The following KIAA1549L variants were observed in gnomAD, a reference collection of about 807,000 sequenced individuals.
The protein encoded by KIAA1549L is KIAA1549 like.
KIAA1549L carries 88 observed loss-of-function variants against 160.7 expected under a neutral mutation model. The observed-to-expected ratio is 0.55, with a 90% CI of 0.46 to 0.65. The LOEUF is 0.65. KIAA1549L is among the 30% of genes least tolerant of loss of function. The pLI is 0.00. For missense variants in KIAA1549L, 2,258 were observed against 2,437.5 expected (o/e 0.93, Z 1.55); for synonymous variants, 950 against 976.7 (o/e 0.97, Z 0.51).
intron 9 of KIAA1549L, among the ~76,000 whole-genome samples, chr11:33,574,441 T>C (rs1437040484): frequency 6.6e-6 from 1 of 152,236 alleles, no homozygotes; most frequent in Non-Finnish European, 1.5e-5. Context: ...CTGGGAGACA[T>C]CACTATCCTG....
chr11:33,577,962 CA>C (rs1474022303), intron 10 of KIAA1549L, among the ~76,000 whole-genome samples: 5 of 151,538 alleles, frequency 3.3e-5, no homozygotes, highest in African/African-American at 1.2e-4. Flanking sequence ...AGTTCCATGA[CA>C]GTTCTATGAT....
chr11:33,645,222 A>C (rs1329994152), intron 16 of KIAA1549L, among the ~76,000 whole-genome samples: 1 of 152,142 alleles, frequency 6.6e-6, no homozygotes. Context: ...TCTGATAAGT[A>C]GCATCAGGCA....
chr11:33,638,437 T>TAA (rs1448265276), intron 16 of KIAA1549L, among the ~76,000 whole-genome samples: 18 of 30,032 alleles, frequency 6.0e-4, no homozygotes, highest in Non-Finnish European at 1.1e-3. Context: ...AAAAAAAAAA[T>TAA]AAATAAATAA....
At chr11:33,555,554 A>G (rs976028861) in intron 6 of KIAA1549L, among the ~76,000 whole-genome samples, 1 of 152,222 alleles carries the variant, frequency 6.6e-6, no homozygotes, top group Non-Finnish European at 1.5e-5. Flanking sequence ...AGGCTATTCA[A>G]TGGGGAAAGG....
At chr11:33,635,903 G>T (rs1233857002) in intron 16 of KIAA1549L, among the ~76,000 whole-genome samples, 2 of 152,140 alleles carry the variant, frequency 1.3e-5, no homozygotes, top group Non-Finnish European at 2.9e-5. Context: ...CTTATCCATG[G>T]TTTCAGCTAC....
chr11:33,434,796 C>T (rs1359589740), intron 1 of KIAA1549L, among the ~76,000 whole-genome samples: 1 of 152,220 alleles, frequency 6.6e-6, no homozygotes, highest in African/African-American at 2.4e-5. Flanking sequence ...GAAGGAAGAT[C>T]TTGACTGGCA....
At chr11:33,406,287 A>T (rs1206309072) in intron 1 of KIAA1549L, among the ~76,000 whole-genome samples, 1 of 152,142 alleles carries the variant, frequency 6.6e-6, no homozygotes, top group Non-Finnish European at 1.5e-5. Flanking sequence ...TCCTGTTAGG[A>T]ACCGAGTGTG....
chr11:33,496,617 A>G (rs909232883), intron 1 of KIAA1549L, among the ~76,000 whole-genome samples: 12 of 152,144 alleles, frequency 7.9e-5, no homozygotes, highest in African/African-American at 2.9e-4. Flanking sequence ...AGACCACTGT[A>G]AGGCTTCCCA....
At chr11:33,505,329 C>G (rs911587884) in intron 1 of KIAA1549L, among the ~76,000 whole-genome samples, 1 of 152,118 alleles carries the variant, frequency 6.6e-6, no homozygotes, top group Non-Finnish European at 1.5e-5. Flanking sequence ...CCAGTGAATG[C>G]CTCTTATCTG....
In KIAA1549L at chr11:33,617,789, GTGGATGGATGGA is replaced by G. The variant is rs200551250; in HGVS notation, c.5280-714_5280-703del. On this transcript the variant is annotated intron_variant, in intron 15 of 20. Coordinates refer to ENST00000658780, the MANE Select transcript of KIAA1549L (RefSeq NM_012194.3). The stretch of plus-strand genomic sequence containing the variant: ...CATTCGGTAAATGATGGAAGCCTCG[GTGGATGGATGGA>G]TGGATGGATGGATGGATGGATGGAT... 1.4e-3 allele frequency among the ~76,000 whole-genome samples: 216 copies of G among 149,036 alleles called. 2 individuals are homozygous for G. Among genetic ancestry groups the G allele is most frequent in the East Asian group, 4.0e-3 (20 of 5,000 alleles).
chr11:33,604,343 A>T (rs1323643282), intron 13 of KIAA1549L, among the ~76,000 whole-genome samples: 1 of 152,226 alleles, frequency 6.6e-6, no homozygotes, highest in Non-Finnish European at 1.5e-5. Context: ...GAATGCTTAT[A>T]CACTGCTGGT....
chr11:33,465,705 C>T (rs10836065), intron 1 of KIAA1549L, among the ~76,000 whole-genome samples: 42,390 of 152,026 alleles, frequency 0.28, 6,405 homozygotes, highest in Middle Eastern at 0.42. Context: ...CTACAACCAT[C>T]GGATCTTCGA....
At chr11:33,415,936 C>T (rs987802738) in intron 1 of KIAA1549L, among the ~76,000 whole-genome samples, 5 of 152,030 alleles carry the variant, frequency 3.3e-5, no homozygotes, top group South Asian at 2.1e-4. Flanking sequence ...TGGATTCAAG[C>T]GGACTTATCA....
At chr11:33,641,608 A>ATATATATG (rs1851586222) in intron 16 of KIAA1549L, among the ~76,000 whole-genome samples, 3 of 32,206 alleles carry the variant, frequency 9.3e-5, no homozygotes, top group Non-Finnish European at 1.5e-4. Context: ...ATATATATAT[A>ATATATATG]TATATATATA....
At chr11:33,613,383 T>C (rs1177020781) in intron 15 of KIAA1549L, among the ~76,000 whole-genome samples, 1 of 152,218 alleles carries the variant, frequency 6.6e-6, no homozygotes, top group East Asian at 1.9e-4. Context: ...CATATGCTTG[T>C]TGGCCACATG....
intron 20 of KIAA1549L, among the ~76,000 whole-genome samples, chr11:33,661,894 A>C (rs1389988075): frequency 6.6e-6 from 1 of 150,550 alleles, no homozygotes; most frequent in East Asian, 1.9e-4. Context: ...AAAAAAAAAA[A>C]AAAAAAAAAA....
intron 1 of KIAA1549L, among the ~76,000 whole-genome samples, chr11:33,469,085 A>C (rs572015066): frequency 6.6e-6 from 1 of 152,166 alleles, no homozygotes; most frequent in Non-Finnish European, 1.5e-5. Flanking sequence ...AAAGTGTACA[A>C]TTCAGTGGTT....
At chr11:33,458,668 T>A (rs2132991706) in intron 1 of KIAA1549L, among the ~76,000 whole-genome samples, 1 of 152,320 alleles carries the variant, frequency 6.6e-6, no homozygotes, top group African/African-American at 2.4e-5. Flanking sequence ...CTCTGTAGGA[T>A]GAATAGTATT....
intron 1 of KIAA1549L, among the ~76,000 whole-genome samples, chr11:33,528,978 A>T (rs1853678085): frequency 6.6e-6 from 1 of 152,236 alleles, no homozygotes; most frequent in African/African-American, 2.4e-5. Context: ...AATGTTTTTT[A>T]AAAATTTAAG....
Sources: allele counts gnomAD v4.1 joint callset (sites outside exome capture counted in the v4.1 genomes callset), GRCh38; gene constraint gnomAD v4.1.1; transcripts MANE v1.5; gene names NCBI Gene and HGNC (gene_info 2026-07-23, HGNC 2026-07-21).